Variants in KCNN2 observed in about 807,000 individuals in gnomAD.
The protein encoded by KCNN2 is small conductance calcium-activated potassium channel protein 2.
A neutral mutation model predicts 55.5 loss-of-function variants in KCNN2; 24 were observed. The ratio of observed to expected loss-of-function variants is 0.43; its 90% CI spans 0.31 to 0.61. The LOEUF (loss-of-function observed/expected upper bound fraction) is 0.61, where lower values mean the gene tolerates loss of function less well. Ranked by LOEUF, KCNN2 falls within the 20% of genes least tolerant of loss-of-function variation. The probability of loss-of-function intolerance (pLI) is 0.08; values close to 1 mark genes in which losing one functional copy is unlikely to be tolerated. For synonymous variants in KCNN2, 431 were observed against 336.1 expected (o/e 1.28, Z -3.09); for missense variants, 754 against 853.6 (o/e 0.88, Z 1.45).
intron 1 of KCNN2, among the ~76,000 whole-genome samples, chr5:114,208,967 C>T (rs1329718450): frequency 6.6e-6 from 1 of 152,110 alleles, no homozygotes; most frequent in African/African-American, 2.4e-5. Context: ...CACTTCTCCA[C>T]TAATACTGCT....
At chr5:114,137,811 A>G (rs1035044318) in intron 1 of KCNN2, among the ~76,000 whole-genome samples, 11 of 152,158 alleles carry the variant, frequency 7.2e-5, no homozygotes, top group Non-Finnish European at 1.5e-4. Context: ...GTAGAAAATA[A>G]TATTTTATAT....
chr5:114,261,502 G>A (rs1755107312), intron 2 of KCNN2, among the ~76,000 whole-genome samples: 1 of 152,152 alleles, frequency 6.6e-6, no homozygotes, highest in Non-Finnish European at 1.5e-5. Flanking sequence ...CACACAAAGT[G>A]CTAATCAGGG....
intron 1 of KCNN2, among the ~76,000 whole-genome samples, chr5:114,208,882 A>T (rs1303018621): frequency 6.6e-6 from 1 of 152,056 alleles, no homozygotes; most frequent in Non-Finnish European, 1.5e-5. Context: ...TCTTCTCTCA[A>T]CTACTATGTT....
intron 2 of KCNN2, among the ~76,000 whole-genome samples, chr5:114,338,430 CT>C (rs924905478): frequency 6.6e-6 from 1 of 152,120 alleles, no homozygotes; most frequent in Non-Finnish European, 1.5e-5. Context: ...TTTCAATGTC[CT>C]TTAGTAAGTA....
chr5:114,422,259 A>T (rs1759493224), intron 3 of KCNN2, among the ~76,000 whole-genome samples: 1 of 152,158 alleles, frequency 6.6e-6, no homozygotes, highest in Non-Finnish European at 1.5e-5. Flanking sequence ...TTCCAGTGTG[A>T]TAATATTTAA....
chr5:114,271,987 A>C (rs1453968675), intron 2 of KCNN2, among the ~76,000 whole-genome samples: 1 of 152,188 alleles, frequency 6.6e-6, no homozygotes, highest in Non-Finnish European at 1.5e-5. Flanking sequence ...CTGGCATTTA[A>C]TAAAGATTAG....
chr5:114,307,355 A>C (rs564915012), intron 2 of KCNN2, among the ~76,000 whole-genome samples: 16 of 152,268 alleles, frequency 1.1e-4, no homozygotes, highest in African/African-American at 3.4e-4. Context: ...CAACACACTA[A>C]TTATGTATGT....
At chr5:114,335,691 T>C (rs970629337) in intron 2 of KCNN2, among the ~76,000 whole-genome samples, 1 of 152,190 alleles carries the variant, frequency 6.6e-6, no homozygotes, top group Non-Finnish European at 1.5e-5. Flanking sequence ...TTAGAATGAA[T>C]GCATGTGTAA....
intron 1 of KCNN2, among the ~76,000 whole-genome samples, chr5:114,081,923 A>C (rs1750829904): frequency 6.6e-6 from 1 of 152,186 alleles, no homozygotes; most frequent in Non-Finnish European, 1.5e-5. Flanking sequence ...CAACAAAAGC[A>C]AACTAATTTT....
intron 2 of KCNN2, among the ~76,000 whole-genome samples, chr5:114,307,535 C>T (rs1189408790): frequency 6.6e-6 from 1 of 152,060 alleles, no homozygotes; most frequent in African/African-American, 2.4e-5. Context: ...ACTGTAAAAC[C>T]CAGTGCCATG....
At chr5:114,208,295 GTC>G (rs1753814118) in intron 1 of KCNN2, among the ~76,000 whole-genome samples, 1 of 152,172 alleles carries the variant, frequency 6.6e-6, no homozygotes, top group Non-Finnish European at 1.5e-5. Flanking sequence ...AGTCCAGACT[GTC>G]ATCCCTTGCC....
intron 2 of KCNN2, among the ~76,000 whole-genome samples, chr5:114,291,830 C>G (rs551155784): frequency 5.5e-4 from 84 of 152,326 alleles, no homozygotes; most frequent in African/African-American, 1.9e-3. Flanking sequence ...GTTCCTATTT[C>G]TCCACATCCT....
At chr5:114,152,786 A>C (rs4076578) in intron 1 of KCNN2, among the ~76,000 whole-genome samples, 4,698 of 152,212 alleles carry the variant, frequency 0.031, 252 homozygotes, top group African/African-American at 0.11. Flanking sequence ...AGAGGAAAAC[A>C]CGTGTCTGGA....
At chr5:114,107,735 T>A (rs1008711527) in intron 1 of KCNN2, among the ~76,000 whole-genome samples, 1 of 152,038 alleles carries the variant, frequency 6.6e-6, no homozygotes, top group Non-Finnish European at 1.5e-5. Flanking sequence ...ATTTCCACCA[T>A]AAATAAAACA....
At chr5:114,352,692 G>A (rs528363617) in intron 2 of KCNN2, among the ~76,000 whole-genome samples, 7 of 151,740 alleles carry the variant, frequency 4.6e-5, no homozygotes, top group African/African-American at 1.7e-4. Context: ...TCTTATTTAG[G>A]AGTGTGCTGT....
chr5:114,445,960 A>G (rs1474646762), intron 3 of KCNN2, among the ~76,000 whole-genome samples: 1 of 152,200 alleles, frequency 6.6e-6, no homozygotes, highest in African/African-American at 2.4e-5. Context: ...CATAGGCTTA[A>G]TAGGAAGAAC....
intron 5 of KCNN2, among the ~76,000 whole-genome samples, chr5:114,483,387 G>A (rs1195980694): frequency 6.7e-6 from 1 of 149,816 alleles, no homozygotes; most frequent in Non-Finnish European, 1.5e-5. Flanking sequence ...CGATTCTCCT[G>A]CCTCAGCTTC....
intron 1 of KCNN2, among the ~76,000 whole-genome samples, chr5:114,074,735 T>C (rs1433547203): frequency 6.6e-6 from 1 of 152,202 alleles, no homozygotes; most frequent in African/African-American, 2.4e-5. Flanking sequence ...GAGAGATTAA[T>C]ATCCTTAGAA....
chr5:114,401,733 G>A (rs1580793475), intron 2 of KCNN2, among the ~76,000 whole-genome samples: 1 of 152,172 alleles, frequency 6.6e-6, no homozygotes, highest in Non-Finnish European at 1.5e-5. Context: ...AGACTTTCCA[G>A]GCCATGGGAC....
Sources: gnomAD v4.1 joint callset for allele counts (sites outside exome capture counted in the v4.1 genomes callset) on GRCh38, gnomAD v4.1.1 for gene constraint, MANE v1.5 for transcripts, NCBI Gene and HGNC (gene_info 2026-07-23, HGNC 2026-07-21) for gene names.